The following ZBTB40 variants were observed in gnomAD, a reference collection of about 807,000 sequenced individuals.
ZBTB40 encodes zinc finger and BTB domain-containing protein 40.
Under a neutral mutation model 117.5 loss-of-function variants are expected in ZBTB40, and 60 were observed. That is an observed-to-expected ratio of 0.51 (90% CI 0.41 to 0.63). The LOEUF (loss-of-function observed/expected upper bound fraction) is 0.63. ZBTB40 is among the 30% of genes least tolerant of loss of function. The probability of loss-of-function intolerance (pLI) is 0.00; values close to 1 mark genes in which losing one functional copy is unlikely to be tolerated. For synonymous variants in ZBTB40, 525 were observed against 577.1 expected (o/e 0.91, Z 1.29); for missense variants, 1,287 against 1,498.5 (o/e 0.86, Z 2.33).
At chr1:22,435,299 C>T (rs1013482050) in intron 1 of ZBTB40, among the ~76,000 whole-genome samples, 2 of 152,206 alleles carry the variant, frequency 1.3e-5, no homozygotes, top group African/African-American at 2.4e-5. Flanking sequence ...TTGTGCCCAG[C>T]TTATCCTTCA....
At chr1:22,437,420 T>G (rs10917232) in intron 1 of ZBTB40, among the ~76,000 whole-genome samples, 1 of 150,566 alleles carries the variant, frequency 6.6e-6, no homozygotes, top group Non-Finnish European at 1.5e-5. Context: ...ATAAAACTTA[T>G]CATCTTTTTT....
At chr1:22,479,284 T>C (rs1299165005) in intron 1 of ZBTB40, among the ~76,000 whole-genome samples, 2 of 152,204 alleles carry the variant, frequency 1.3e-5, no homozygotes, top group African/African-American at 2.4e-5. Flanking sequence ...AGATGATGTT[T>C]GATAATTCTT....
chr1:22,431,382 G>GTATATATATA (rs1308135309), intron 1 of ZBTB40, among the ~76,000 whole-genome samples: 6 of 15,478 alleles, frequency 3.9e-4, no homozygotes, highest in Admixed American at 1.1e-3. Flanking sequence ...GTGTGTGTGT[G>GTATATATATA]TGTATATATA....
chr1:22,458,677 A>G (rs1335962584), intron 1 of ZBTB40, among the ~76,000 whole-genome samples: 1 of 152,234 alleles, frequency 6.6e-6, no homozygotes, highest in East Asian at 1.9e-4. Context: ...TGTATCACCA[A>G]CTTCATAAAC....
intron 1 of ZBTB40, among the ~76,000 whole-genome samples, chr1:22,442,135 T>A (rs1406061615): frequency 6.6e-6 from 1 of 152,248 alleles, no homozygotes; most frequent in Non-Finnish European, 1.5e-5. Flanking sequence ...GAGAAGATAC[T>A]TTATATGATC....
chr1:22,476,251 T>C (rs1391857430), intron 1 of ZBTB40, among the ~76,000 whole-genome samples: 1 of 152,194 alleles, frequency 6.6e-6, no homozygotes, highest in Non-Finnish European at 1.5e-5. Context: ...TTTGAGACAG[T>C]CTTACTCTGT....
At chr1:22,450,500 C>A (rs897899539), upstream of ZBTB40, among the ~76,000 whole-genome samples, 22 of 152,134 alleles carry the variant, frequency 1.4e-4, no homozygotes, top group Non-Finnish European at 2.2e-4. Context: ...TAACTGGGCA[C>A]AAGGGTATGA....
intron 1 of ZBTB40, among the ~76,000 whole-genome samples, chr1:22,480,223 TCTAGATA>T (rs1158727610): frequency 6.6e-6 from 1 of 152,014 alleles, no homozygotes; most frequent in Non-Finnish European, 1.5e-5. Context: ...TCTTATATAT[TCTAGATA>T]TCAATTCCTT....
intron 1 of ZBTB40, among the ~76,000 whole-genome samples, chr1:22,433,879 T>G (rs561614432): frequency 3.7e-4 from 56 of 152,132 alleles, no homozygotes; most frequent in African/African-American, 1.3e-3. Context: ...CTAGTTTTTT[T>G]TTTGTTTGTT....
intron 1 of ZBTB40, chr1:22,452,915 GTGT>G (rs897408057): frequency 2.0e-5 from 3 of 152,466 alleles, no homozygotes; most frequent in East Asian, 1.9e-4. Context: ...ATTCATACAA[GTGT>G]TGTTCTACTT....
At chr1:22,484,729 C>G (rs796155580) in intron 1 of ZBTB40, among the ~76,000 whole-genome samples, 37 of 152,298 alleles carry the variant, frequency 2.4e-4, no homozygotes, top group African/African-American at 8.9e-4. Context: ...ATAATCCCAG[C>G]AGGAAGACTT....
intron 3 of ZBTB40, among the ~76,000 whole-genome samples, chr1:22,493,983 C>T (rs1013252739): frequency 2.6e-5 from 4 of 151,826 alleles, no homozygotes; most frequent in South Asian, 4.2e-4. Context: ...TCAGTGTCCT[C>T]GTTTGTAAAA....
intron 1 of ZBTB40, among the ~76,000 whole-genome samples, chr1:22,430,641 T>TG (rs1640567810): frequency 1.3e-5 from 2 of 151,604 alleles, no homozygotes; most frequent in Admixed American, 1.3e-4. Context: ...CCGACTAATT[T>TG]TTTTTTTTTT....
At chr1:22,498,908 G>A (rs901394042) in intron 3 of ZBTB40, among the ~76,000 whole-genome samples, 1 of 152,222 alleles carries the variant, frequency 6.6e-6, no homozygotes, top group Non-Finnish European at 1.5e-5. Context: ...GTTTACTGAG[G>A]GTATTAGCAG....
chr1:22,453,199 A>T (rs1482189100), intron 1 of ZBTB40, among the ~76,000 whole-genome samples: 2 of 152,124 alleles, frequency 1.3e-5, no homozygotes, highest in Non-Finnish European at 2.9e-5. Context: ...TCTCAGTGAA[A>T]TTTTTTTCTA....
At chr1:22,435,451 T>G (rs1640657489) in intron 1 of ZBTB40, among the ~76,000 whole-genome samples, 1 of 152,156 alleles carries the variant, frequency 6.6e-6, no homozygotes, top group Non-Finnish European at 1.5e-5. Flanking sequence ...CACATTTTAC[T>G]TCTTTTTCCT....
intron 1 of ZBTB40, among the ~76,000 whole-genome samples, chr1:22,482,956 G>T (rs1028492116): frequency 4.6e-5 from 7 of 151,992 alleles, no homozygotes; most frequent in African/African-American, 1.7e-4. Context: ...GCGGGCGCCT[G>T]TAGTCCTAGC....
In ZBTB40 at chr1:22,502,317, A is replaced by G. The variant is rs757878137; in HGVS notation, c.1043A>G (p.Lys348Arg). 1.7e-5 allele frequency: 27 copies of G among 1,613,762 alleles called. No individual in the cohort carries two copies. The highest frequency in any genetic ancestry group is 2.0e-5 in the Non-Finnish European group (24 of 1,179,834). Residue 348 changes from lysine to arginine, a missense_variant, in exon 5 of 18, where the codon AAG (lysine) becomes AGG (arginine). This residue lies in a region of ZBTB40 where 870 missense variants were observed against 934.4 expected (regional missense o/e 0.93). Transcript: ENST00000375647. ...CCCCCAGGGAGCACAGAGGAGGGAA[A>G]GACCTTGTCTGTTCTGTTACTAGAA... Reference protein sequence around the residue: ...VQPKGSTEEGKTLSVLLLEHK... With the variant: ...VQPKGSTEEGRTLSVLLLEHK...
chr1:22,466,155 A>G (rs1332244049), intron 1 of ZBTB40, among the ~76,000 whole-genome samples: 2 of 152,218 alleles, frequency 1.3e-5, no homozygotes, highest in African/African-American at 4.8e-5. Context: ...ATGTCTGGCT[A>G]AACTGGCTTT....
Sources: allele counts gnomAD v4.1 joint callset (sites outside exome capture counted in the v4.1 genomes callset), GRCh38; gene constraint gnomAD v4.1.1; regional missense constraint gnomAD v4.1.1; transcripts MANE v1.5; gene names NCBI Gene and HGNC (gene_info 2026-07-23, HGNC 2026-07-21).